Variants in SLC25A26 observed in about 807,000 individuals in gnomAD.
SLC25A26 encodes solute carrier family 25 member 26.
In SLC25A26, 36 loss-of-function variants were observed where a neutral mutation model predicts 37.8. That is an observed-to-expected ratio of 0.95 (90% CI 0.73 to 1.26). The LOEUF is 1.26. SLC25A26 is among the 50% of genes most tolerant of loss of function. The pLI is 0.00. For synonymous variants in SLC25A26, 129 were observed against 122.5 expected, an observed-to-expected ratio of 1.05 and a Z score of -0.35; for missense variants, 390 against 331.1, an observed-to-expected ratio of 1.18 and a Z score of -1.38.
intron 1 of SLC25A26, among the ~76,000 whole-genome samples, chr3:66,210,789 C>T (rs2071274546): frequency 1.3e-5 from 2 of 150,458 alleles, no homozygotes; most frequent in South Asian, 4.2e-4. Flanking sequence ...GCTGGGATTA[C>T]AAGCGCAAGC....
At chr3:66,356,654 G>A (rs777878217) in intron 6 of SLC25A26, among the ~76,000 whole-genome samples, 3 of 151,974 alleles carry the variant, frequency 2.0e-5, no homozygotes, top group Non-Finnish European at 4.4e-5. Flanking sequence ...TTTGAGATAG[G>A]GTCTTGCTCT....
At chr3:66,337,068 C>T (rs116699225) in intron 5 of SLC25A26, among the ~76,000 whole-genome samples, 26 of 152,166 alleles carry the variant, frequency 1.7e-4, no homozygotes, top group African/African-American at 5.5e-4. Context: ...AGGATGAAAT[C>T]TAAAAGCAAA....
intron 6 of SLC25A26, among the ~76,000 whole-genome samples, chr3:66,355,085 A>C (rs1354606950): frequency 6.6e-6 from 1 of 152,108 alleles, no homozygotes; most frequent in African/African-American, 2.4e-5. Flanking sequence ...ATATCCCCCC[A>C]CATATCTAAA....
intron 1 of SLC25A26, among the ~76,000 whole-genome samples, chr3:66,159,188 C>T (rs1014773355): frequency 2.0e-5 from 3 of 152,188 alleles, no homozygotes; most frequent in Admixed American, 6.5e-5. Flanking sequence ...GACCCACAGG[C>T]CGGCAAACAC....
chr3:66,344,085 C>T (rs538050877), intron 5 of SLC25A26, among the ~76,000 whole-genome samples: 3 of 152,192 alleles, frequency 2.0e-5, no homozygotes, highest in African/African-American at 7.2e-5. Flanking sequence ...ACATTTCCTT[C>T]CTGAATGGTA....
chr3:66,225,279 G>T (rs1341488881), intron 1 of SLC25A26, among the ~76,000 whole-genome samples: 1 of 152,176 alleles, frequency 6.6e-6, no homozygotes, highest in Non-Finnish European at 1.5e-5. Context: ...TGAAATCTAG[G>T]CAGAGGTTCC....
At chr3:66,316,839 A>G (rs771900720) in intron 5 of SLC25A26, among the ~76,000 whole-genome samples, 35 of 151,872 alleles carry the variant, frequency 2.3e-4, no homozygotes, top group South Asian at 1.2e-3. Flanking sequence ...TTGTCTGCCT[A>G]TTTCAGCAAG....
intron 1 of SLC25A26, among the ~76,000 whole-genome samples, chr3:66,182,401 T>C (rs1265654423): frequency 6.6e-6 from 1 of 152,112 alleles, no homozygotes; most frequent in Non-Finnish European, 1.5e-5. Flanking sequence ...ATGTAAGAGT[T>C]ATGGCAATTC....
chr3:66,187,670 C>A (rs1032282545), intron 1 of SLC25A26, among the ~76,000 whole-genome samples: 31,886 of 151,658 alleles, frequency 0.21, 3,707 homozygotes, highest in Admixed American at 0.34. Context: ...TCTCATCAAT[C>A]CTTCTATTTC....
chr3:66,289,939 C>T (rs1488354745), intron 5 of SLC25A26, among the ~76,000 whole-genome samples: 2 of 152,152 alleles, frequency 1.3e-5, no homozygotes, highest in Non-Finnish European at 2.9e-5. Flanking sequence ...AATGATTCTT[C>T]TTATCCATGA....
At chr3:66,208,677 T>TATAC (rs1356048744) in intron 1 of SLC25A26, among the ~76,000 whole-genome samples, 4 of 144,768 alleles carry the variant, frequency 2.8e-5, no homozygotes, top group Non-Finnish European at 6.0e-5. Context: ...TATATATATA[T>TATAC]ACACATTTAT....
intron 3 of SLC25A26, among the ~76,000 whole-genome samples, chr3:66,248,176 T>G (rs942645543): frequency 2.6e-5 from 4 of 152,244 alleles, no homozygotes; most frequent in Non-Finnish European, 5.9e-5. Context: ...AACCATTCCC[T>G]GTAGCAACAG....
At chr3:66,284,845 G>C (rs938365538) in intron 5 of SLC25A26, among the ~76,000 whole-genome samples, 1 of 152,204 alleles carries the variant, frequency 6.6e-6, no homozygotes, top group Middle Eastern at 3.4e-3. Context: ...TGGGAATCTG[G>C]GTGAAGAATA....
At chr3:66,314,047 A>C (rs914390347) in intron 5 of SLC25A26, among the ~76,000 whole-genome samples, 1 of 152,268 alleles carries the variant, frequency 6.6e-6, no homozygotes. Context: ...TTCTAGAAGG[A>C]GTATCATGTC....
chr3:66,299,004 C>T (rs968501414), intron 5 of SLC25A26, among the ~76,000 whole-genome samples: 6 of 152,226 alleles, frequency 3.9e-5, no homozygotes, highest in South Asian at 4.1e-4. Flanking sequence ...AGTGTGTAAA[C>T]TTAGTTAACT....
At position 66,262,144 on chromosome 3, in the gene SLC25A26, T is replaced by G. The variant is rs566487605; in HGVS notation, c.394T>G (p.Leu132Val). The G allele has an allele frequency of 1.9e-6, 3 of 1,546,066 alleles. No homozygotes were observed. The Admixed American group carries it at 5.8e-5, about 30-fold the overall frequency. ...AACATTTCAGATTTTCTCTAACATC[T>G]TATATGAAGAGGTGAGATGGGTTTT... ...TRTFQIFSNI[L>V]YEEGIQGLYR... is the part of the protein sequence containing the mutation. Residue 132 changes from leucine (L) to valine (V), a missense_variant, in exon 4 of 10, where the codon TTA becomes GTA. Transcript: ENST00000354883.
intron 1 of SLC25A26, among the ~76,000 whole-genome samples, chr3:66,152,115 A>G (rs2070217583): frequency 6.6e-6 from 1 of 152,166 alleles, no homozygotes. Context: ...TCCGTTATCT[A>G]AGCAGGTACT....
At chr3:66,372,097 AAAC>A (rs1314493419) in intron 9 of SLC25A26, among the ~76,000 whole-genome samples, 11 of 152,358 alleles carry the variant, frequency 7.2e-5, no homozygotes, top group East Asian at 5.8e-4. Context: ...TGTCTCAAAA[AAAC>A]AACAACAAAA....
At chr3:66,241,105 A>C (rs1038798054) in intron 2 of SLC25A26, among the ~76,000 whole-genome samples, 1 of 151,912 alleles carries the variant, frequency 6.6e-6, no homozygotes, top group African/African-American at 2.4e-5. Flanking sequence ...AGTTTGTTCA[A>C]ATTATCACGA....
Sources: gnomAD v4.1 joint callset for allele counts (sites outside exome capture counted in the v4.1 genomes callset) on GRCh38, gnomAD v4.1.1 for gene constraint, MANE v1.5 for transcripts, NCBI Gene and HGNC (gene_info 2026-07-23, HGNC 2026-07-21) for gene names.